HVCN1: variants seen among roughly 807,000 people sequenced by gnomAD.
HVCN1 encodes hydrogen voltage gated channel 1.
In HVCN1, 14 loss-of-function variants were observed where a neutral mutation model predicts 29.2. The ratio of observed to expected loss-of-function variants is 0.48; its 90% confidence interval spans 0.32 to 0.75. The LOEUF (loss-of-function observed/expected upper bound fraction) is 0.75. Among genes scored for constraint, HVCN1 ranks in the 30% least tolerant of loss-of-function variants. The probability of loss-of-function intolerance (pLI) is 0.04; values close to 1 mark genes in which losing one functional copy is unlikely to be tolerated. For missense variants in HVCN1, 263 were observed against 341.8 expected (o/e 0.77, Z 1.82); for synonymous variants, 131 against 133.2 (o/e 0.98, Z 0.11).
intron 5 of HVCN1, among the ~76,000 whole-genome samples, chr12:110,654,841 C>T (rs2067935438): frequency 6.6e-6 from 1 of 152,092 alleles, no homozygotes; most frequent in African/African-American, 2.4e-5. Context: ...TGTCCACCAC[C>T]CTTTGGGTGA....
intron 2 of HVCN1, among the ~76,000 whole-genome samples, chr12:110,686,202 G>T (rs1297880699): frequency 6.6e-6 from 1 of 150,624 alleles, no homozygotes; most frequent in Non-Finnish European, 1.5e-5. Context: ...ACGGGGTTTT[G>T]CCACGTTAGC....
chr12:110,663,624 GAA>G (rs913532081), intron 3 of HVCN1, among the ~76,000 whole-genome samples: 24 of 119,900 alleles, frequency 2.0e-4, no homozygotes, highest in African/African-American at 6.8e-4. Context: ...GAATAAAAAA[GAA>G]AAAAAATTTA....
Position 110,648,884 on chromosome 12 carries a change from G to A in HVCN1, c.*526C>T. 2.6e-6 allele frequency: 1 copy of A among 389,066 alleles called. No individual in the cohort carries two copies. The highest frequency in any genetic ancestry group is 1.9e-5 in the South Asian group (1 of 53,438). The allele number at this position is 389,066 out of a possible 1,614,324, so 24.1% of individuals were successfully genotyped here. On this transcript the variant is annotated 3_prime_UTR_variant, in exon 8 of 8. Coordinates refer to ENST00000242607, the MANE Select transcript of HVCN1 (RefSeq NM_032369.4). ...TTGTCAGGTGGCAGAAAACAATGGA[G>A]CCACCTAGAAGCTGGCTGATGCAGC...
intron 3 of HVCN1, among the ~76,000 whole-genome samples, chr12:110,672,105 G>T (rs911177264): frequency 6.6e-6 from 1 of 152,134 alleles, no homozygotes; most frequent in Non-Finnish European, 1.5e-5. Context: ...CAAAGGAGGG[G>T]ATTGGCCCTA....
rs2068179742 is a variant in HVCN1 at position 110,661,711 on chromosome 12, A to G, written c.22-263T>C. On this transcript the variant is annotated intron_variant, in intron 3 of 7. Transcript: ENST00000242607. This position sits in a 1 kb window ranked among gnomAD's most constrained non-coding sequence, Gnocchi z 6.2. ...GTTGGCAGTAACCAACGGAATCAGT[A>G]CTGCAGCCCGGTCCCAAAACACCCG... Among the ~76,000 whole-genome samples, 1 of 152,230 alleles carries G rather than the reference A, an allele frequency of 6.6e-6. No individual in the cohort carries two copies. Among genetic ancestry groups the G allele is most frequent in the African/African-American group, 2.4e-5 (1 of 41,460 alleles).
In HVCN1 at chr12:110,648,759, G is replaced by A. The variant is rs1205893712; in HGVS notation, c.*651C>T. The A allele has an allele frequency of 3.6e-6, 1 of 277,898 alleles. No individual in the cohort carries two copies. The highest frequency in any genetic ancestry group is 6.9e-6 in the Non-Finnish European group (1 of 145,414). The allele number at this position is 277,898 out of a possible 1,614,324, so 17.2% of individuals were successfully genotyped here. On this transcript the variant is annotated 3_prime_UTR_variant, in exon 8 of 8. Transcript: ENST00000242607. ...GCAGGCTGGTATGGGTGCCACAGAG[G>A]AAAGAATACAGTAGGAGGGTCCAGG...
chr12:110,673,132 G>A (rs1308027533), intron 3 of HVCN1, among the ~76,000 whole-genome samples: 1 of 152,214 alleles, frequency 6.6e-6, no homozygotes, highest in Non-Finnish European at 1.5e-5. Context: ...GAATGACTTT[G>A]CCCAGAATGC....
chr12:110,703,994 C>T (rs2069585282), intron 1 of HVCN1, among the ~76,000 whole-genome samples: 1 of 152,054 alleles, frequency 6.6e-6, no homozygotes, highest in African/African-American at 2.4e-5. Context: ...CTATTTTTCT[C>T]TTTTTTAAAA....
chr12:110,691,894 G>A (rs1403872025), upstream of HVCN1, among the ~76,000 whole-genome samples: 1 of 152,162 alleles, frequency 6.6e-6, no homozygotes, highest in African/African-American at 2.4e-5. Context: ...CTGGAACCTG[G>A]GGCCACCAGC....
Position 110,655,346 on chromosome 12 carries a change from C to T in HVCN1, c.307-8G>A. The T allele has an allele frequency of 1.2e-6, 2 of 1,608,722 alleles. No individual in the cohort carries two copies. Among genetic ancestry groups the T allele is most frequent in the Non-Finnish European group, 1.7e-6 (2 of 1,175,304 alleles). Reference sequence around the variant, plus strand: ...CAAGCAGATGATGATGACCTGTGGGCCGAGGGAAGGTGCCAGAGATCATGA... The same window carrying T: ...CAAGCAGATGATGATGACCTGTGGGTCGAGGGAAGGTGCCAGAGATCATGA... On this transcript the variant is annotated splice_polypyrimidine_tract_variant and splice_region_variant and intron_variant, in intron 4 of 7. Coordinates refer to ENST00000242607, the MANE Select transcript of HVCN1 (RefSeq NM_032369.4).
chr12:110,651,276 A>G lies in HVCN1; in HGVS notation c.584T>C (p.Phe195Ser). The G allele has an allele frequency of 5.0e-6, 8 of 1,614,134 alleles. No individual in the cohort carries two copies. Among genetic ancestry groups the G allele is most frequent in the Non-Finnish European group, 6.8e-6 (8 of 1,180,004 alleles). Residue 195 changes from phenylalanine to serine, a missense_variant, in exon 6 of 8, where the codon TTT becomes TCT. Physicochemically the swap from Phe to Ser is radical, Grantham distance 155 (BLOSUM62 -2). Around this residue, in one of 3 missense-constraint regions of HVCN1, gnomAD observed 55 missense variants for 109.4 expected, o/e 0.50. Coordinates refer to ENST00000242607, the MANE Select transcript of HVCN1 (RefSeq NM_032369.4). ...CAGAATCAGCAGGCCCAGAGCCTCA[A>G]ACTGGTGCTCCTGGAACAGGAGGAC... ...DIVLLFQEHQFEALGLLILLR... is the reference protein window; with the variant it reads ...DIVLLFQEHQSEALGLLILLR...
At chr12:110,696,323 T>C (rs978101718) in intron 2 of HVCN1, among the ~76,000 whole-genome samples, 1 of 152,150 alleles carries the variant, frequency 6.6e-6, no homozygotes. Flanking sequence ...TTTTACCCAT[T>C]ATCAAGCATA....
Position 110,649,361 on chromosome 12 carries a change from C to T in HVCN1, c.*49G>A, listed in dbSNP as rs779738070. The T allele has an allele frequency of 2.7e-6, 4 of 1,484,612 alleles. No homozygotes were observed. The highest frequency in any genetic ancestry group is 4.6e-5 in the East Asian group (2 of 43,634). The allele number at this position is 1,484,612 out of a possible 1,614,324, so 92.0% of individuals were successfully genotyped here. On this transcript the variant is annotated 3_prime_UTR_variant, in exon 8 of 8. Coordinates refer to ENST00000242607, the MANE Select transcript of HVCN1 (RefSeq NM_032369.4). ...GGGGCAGCTGTTCCTCTCGTGACAG[C>T]ACAGGCCCATGAGACAGTGTCTTCT... is the stretch of plus-strand genomic sequence containing the variant.
intron 2 of HVCN1, among the ~76,000 whole-genome samples, chr12:110,685,738 A>G (rs556064483): frequency 1.3e-4 from 20 of 151,816 alleles, no homozygotes; most frequent in Non-Finnish European, 2.2e-4. Context: ...CACCCTGGCT[A>G]GAATGCAGTG....
chr12:110,699,604 G>A (rs969990222), intron 2 of HVCN1, among the ~76,000 whole-genome samples: 7 of 152,212 alleles, frequency 4.6e-5, no homozygotes, highest in South Asian at 4.1e-4. Context: ...CTCGAAGTGC[G>A]GGAGGCAGAG....
At chr12:110,704,290 C>T (rs1237483693) in intron 1 of HVCN1, among the ~76,000 whole-genome samples, 2 of 151,876 alleles carry the variant, frequency 1.3e-5, no homozygotes, top group Non-Finnish European at 2.9e-5. Flanking sequence ...CAGAATAATC[C>T]CCAAGATTTA....
chr12:110,656,235 T>G (rs1352283618), intron 4 of HVCN1, among the ~76,000 whole-genome samples: 1 of 151,940 alleles, frequency 6.6e-6, no homozygotes, highest in East Asian at 1.9e-4. Flanking sequence ...TCATAGTGGG[T>G]GAAGATGGTG....
intron 4 of HVCN1, among the ~76,000 whole-genome samples, chr12:110,657,508 G>GAAAAAAAAA (rs529473919): frequency 1.4e-4 from 12 of 87,138 alleles, no homozygotes; most frequent in Non-Finnish European, 1.8e-4. Flanking sequence ...AAAGAAAAAA[G>GAAAAAAAAA]AAAAAAAAAA....
At chr12:110,659,367 G>A (rs545721737) in intron 4 of HVCN1, among the ~76,000 whole-genome samples, 5 of 151,694 alleles carry the variant, frequency 3.3e-5, no homozygotes, top group South Asian at 2.1e-4. Context: ...TAAAGTCAGC[G>A]ATGGAAGAGG....
Sources: allele counts gnomAD v4.1 joint callset (sites outside exome capture counted in the v4.1 genomes callset), GRCh38; gene constraint gnomAD v4.1.1; regional missense constraint gnomAD v4.1.1; non-coding constraint Gnocchi (gnomAD v3.1); transcripts MANE v1.5; gene names NCBI Gene and HGNC (gene_info 2026-07-23, HGNC 2026-07-21).